Variants in ADGRB3 observed in about 807,000 individuals in gnomAD.
ADGRB3 encodes adhesion G protein-coupled receptor B3, also known as brain-specific angiogenesis inhibitor 3.
Under a neutral mutation model 193.4 loss-of-function variants are expected in ADGRB3, and 37 were observed. The ratio of observed to expected loss-of-function variants is 0.19; its 90% confidence interval spans 0.15 to 0.25. The LOEUF is 0.25. Among genes scored for constraint, ADGRB3 ranks in the 10% least tolerant of loss-of-function variants. The pLI is 1.00. For synonymous variants in ADGRB3, 690 were observed against 644.2 expected (o/e 1.07, Z -1.08); for missense variants, 1,637 against 1,852.9 (o/e 0.88, Z 2.14).
chr6:69,024,912 G>A (rs1182556614), intron 13 of ADGRB3, among the ~76,000 whole-genome samples: 7 of 152,034 alleles, frequency 4.6e-5, no homozygotes, highest in Admixed American at 1.3e-4. Flanking sequence ...CTAACATGGC[G>A]AAACACCGTC....
intron 3 of ADGRB3, among the ~76,000 whole-genome samples, chr6:68,782,795 C>A (rs913141105): frequency 6.6e-6 from 1 of 151,844 alleles, no homozygotes; most frequent in African/African-American, 2.4e-5. Flanking sequence ...CTGTTCATAT[C>A]CTTCGCCCAC....
intron 15 of ADGRB3, among the ~76,000 whole-genome samples, chr6:69,059,153 T>C (rs1771640172): frequency 6.6e-6 from 1 of 152,128 alleles, no homozygotes; most frequent in Non-Finnish European, 1.5e-5. Flanking sequence ...TAGGTGCACA[T>C]ATATTTATAA....
At chr6:69,347,393 G>A (rs775306084) in intron 26 of ADGRB3, among the ~76,000 whole-genome samples, 2 of 151,976 alleles carry the variant, frequency 1.3e-5, no homozygotes, top group Non-Finnish European at 2.9e-5. Context: ...GTGGGAGTTG[G>A]TTGCTAAAAG....
intron 3 of ADGRB3, among the ~76,000 whole-genome samples, chr6:68,872,674 A>T (rs1434626786): frequency 5.3e-5 from 8 of 152,114 alleles, no homozygotes; most frequent in Non-Finnish European, 1.2e-4. Flanking sequence ...ATTTGAATTC[A>T]GTATATAATT....
chr6:68,790,051 C>T (rs114472765), intron 3 of ADGRB3, among the ~76,000 whole-genome samples: 3 of 152,088 alleles, frequency 2.0e-5, no homozygotes, highest in Non-Finnish European at 2.9e-5. Context: ...GTTATCTGGT[C>T]GTCTAATTTT....
chr6:68,664,475 T>C (rs1044206827), intron 3 of ADGRB3, among the ~76,000 whole-genome samples: 1 of 151,958 alleles, frequency 6.6e-6, no homozygotes, highest in Admixed American at 6.6e-5. Flanking sequence ...CTTTCTGCCA[T>C]GTGAGTCATA....
intron 13 of ADGRB3, among the ~76,000 whole-genome samples, chr6:69,020,351 G>GT (rs1364685149): frequency 2.0e-5 from 3 of 151,924 alleles, no homozygotes; most frequent in Non-Finnish European, 2.9e-5. Flanking sequence ...GAATCACAGC[G>GT]TATCACATTC....
At chr6:68,636,220 A>T (rs1049513477) in intron 1 of ADGRB3, among the ~76,000 whole-genome samples, 1 of 152,086 alleles carries the variant, frequency 6.6e-6, no homozygotes, top group Middle Eastern at 3.2e-3. Flanking sequence ...AGAAGGAATA[A>T]GCGGAGAGAC....
chr6:69,325,060 A>G (rs752498999), intron 21 of ADGRB3, 38 bp downstream of exon 21: 8 of 1,588,658 alleles, frequency 5.0e-6, no homozygotes, highest in Non-Finnish European at 6.9e-6. Context: ...CTCTTCTCAA[A>G]ATGACGTTGA....
intron 3 of ADGRB3, among the ~76,000 whole-genome samples, chr6:68,697,636 T>G (rs1367392155): frequency 6.6e-6 from 1 of 151,986 alleles, no homozygotes; most frequent in East Asian, 1.9e-4. Context: ...CTTCCTTGTC[T>G]TCTCTTTTAG....
chr6:69,054,635 G>T (rs1459702820), intron 15 of ADGRB3, among the ~76,000 whole-genome samples: 1 of 152,112 alleles, frequency 6.6e-6, no homozygotes, highest in African/African-American at 2.4e-5. Flanking sequence ...ATAAAATATT[G>T]TGGTGTTACT....
At chr6:68,840,449 G>A (rs961011193) in intron 3 of ADGRB3, among the ~76,000 whole-genome samples, 1 of 130,656 alleles carries the variant, frequency 7.7e-6, no homozygotes, top group African/African-American at 3.0e-5. Flanking sequence ...GGAGTGCAGT[G>A]GCACAATCAC....
chr6:69,329,147 T>A (rs1768651430), intron 22 of ADGRB3, among the ~76,000 whole-genome samples: 1 of 152,092 alleles, frequency 6.6e-6, no homozygotes, highest in Admixed American at 6.6e-5. Context: ...AAGATTAGTT[T>A]ACATAAAATT....
intron 20 of ADGRB3, among the ~76,000 whole-genome samples, chr6:69,320,110 G>A (rs550649094): frequency 9.9e-5 from 15 of 151,236 alleles, no homozygotes; most frequent in Admixed American, 2.0e-4. Flanking sequence ...ATGTTCAAGC[G>A]TATTTTTCTA....
At chr6:69,341,023 C>T (rs1768963555) in intron 26 of ADGRB3, among the ~76,000 whole-genome samples, 1 of 152,194 alleles carries the variant, frequency 6.6e-6, no homozygotes, top group Non-Finnish European at 1.5e-5. Flanking sequence ...CACTGATGGG[C>T]ATTTGGATTG....
chr6:69,315,748 CTTAA>C (rs1768297167), intron 20 of ADGRB3, among the ~76,000 whole-genome samples: 1 of 151,092 alleles, frequency 6.6e-6, no homozygotes, highest in South Asian at 2.1e-4. Context: ...TATATGTATT[CTTAA>C]TTTATTTATT....
At chr6:68,692,002 A>G (rs1390653507) in intron 3 of ADGRB3, among the ~76,000 whole-genome samples, 4 of 151,854 alleles carry the variant, frequency 2.6e-5, no homozygotes, top group African/African-American at 4.8e-5. Flanking sequence ...TTGTTAGTAT[A>G]TTGAAGATTT....
At chr6:69,092,260 C>G (rs1370164212) in intron 17 of ADGRB3, among the ~76,000 whole-genome samples, 1 of 152,140 alleles carries the variant, frequency 6.6e-6, no homozygotes, top group Non-Finnish European at 1.5e-5. Flanking sequence ...TAAAGGAGTA[C>G]CAGAAACATC....
intron 3 of ADGRB3, among the ~76,000 whole-genome samples, chr6:68,853,294 A>G (rs2057166): frequency 0.012 from 1,765 of 152,180 alleles, 70 homozygotes; most frequent in East Asian, 0.079. Flanking sequence ...ACCAATTAAC[A>G]TCTTATAATT....
Sources: allele counts gnomAD v4.1 joint callset (sites outside exome capture counted in the v4.1 genomes callset), GRCh38; gene constraint gnomAD v4.1.1; transcripts MANE v1.5; gene names NCBI Gene and HGNC (gene_info 2026-07-23, HGNC 2026-07-21).